The following FBXW7 variants were observed in gnomAD, a reference collection of about 807,000 sequenced individuals.
The protein encoded by FBXW7 is F-box/WD repeat-containing protein 7.
FBXW7 carries 11 observed loss-of-function variants against 86.3 expected under a neutral mutation model. That is an observed-to-expected ratio of 0.13 (90% confidence interval 0.08 to 0.21). The LOEUF is 0.21. FBXW7 is among the 10% of genes least tolerant of loss of function. FBXW7 has a pLI of 1.00. For synonymous variants in FBXW7, 313 were observed against 297.9 expected (o/e 1.05, Z -0.52); for missense variants, 488 against 847.4 (o/e 0.58, Z 5.27).
chr4:152,487,729 G>C (rs1056364331), intron 2 of FBXW7, among the ~76,000 whole-genome samples: 14 of 151,956 alleles, frequency 9.2e-5, no homozygotes, highest in Non-Finnish European at 1.6e-4. Flanking sequence ...AGATACATAA[G>C]CATCTTATAT....
At chr4:152,465,463 C>A (rs955094562) in intron 2 of FBXW7, among the ~76,000 whole-genome samples, 3 of 152,102 alleles carry the variant, frequency 2.0e-5, no homozygotes, top group African/African-American at 7.2e-5. Flanking sequence ...TTAACAACAT[C>A]ATTAATAAGT....
At chr4:152,435,338 T>C (rs2126963455) in intron 2 of FBXW7, among the ~76,000 whole-genome samples, 1 of 152,360 alleles carries the variant, frequency 6.6e-6, no homozygotes, top group East Asian at 1.9e-4. Flanking sequence ...ATTCATTTTG[T>C]ATAACGGCCC....
chr4:152,332,138 A>G (rs1196396649), intron 8 of FBXW7, among the ~76,000 whole-genome samples: 1 of 152,116 alleles, frequency 6.6e-6, no homozygotes, highest in South Asian at 2.1e-4. Context: ...AATACACAGG[A>G]TAACTACTCC....
chr4:152,403,550 T>A (rs1193763755), intron 4 of FBXW7, among the ~76,000 whole-genome samples: 1 of 151,828 alleles, frequency 6.6e-6, no homozygotes, highest in Non-Finnish European at 1.5e-5. Context: ...ACAGGTTTCA[T>A]GAAAGACAAT....
At chr4:152,327,189 C>CTTA (rs1203763440) in intron 11 of FBXW7, among the ~76,000 whole-genome samples, 9 of 152,016 alleles carry the variant, frequency 5.9e-5, no homozygotes, top group African/African-American at 2.2e-4. Flanking sequence ...GTTGAGAGAA[C>CTTA]ATAATGGAAA....
intron 7 of FBXW7, 38 bp from the exon 8 acceptor site, chr4:152,332,757 A>T: frequency 1.1e-6 from 1 of 905,464 alleles, no homozygotes; most frequent in Non-Finnish European, 1.4e-6. Context: ...CCATATTTAA[A>T]TAAATATATA....
At chr4:152,407,855 C>T (rs1308448666) in intron 4 of FBXW7, among the ~76,000 whole-genome samples, 2 of 152,132 alleles carry the variant, frequency 1.3e-5, no homozygotes, top group Non-Finnish European at 2.9e-5. Flanking sequence ...CAGGCGCATG[C>T]CATCACACTC....
chr4:152,438,680 A>C (rs914925263), intron 2 of FBXW7, among the ~76,000 whole-genome samples: 2 of 152,208 alleles, frequency 1.3e-5, no homozygotes, highest in Admixed American at 6.5e-5. Flanking sequence ...GTCTCAAAAA[A>C]ACAAAAACAC....
In FBXW7 at chr4:152,535,201, C is replaced by T. The variant is rs1359102966; in HGVS notation, c.-287G>A. The T allele has an allele frequency of 1.2e-5, 2 of 166,596 alleles. No homozygotes were observed. Among genetic ancestry groups the T allele is most frequent in the Admixed American group, 1.3e-4 (2 of 15,610 alleles). The allele number at this position is 166,596 out of a possible 1,614,324, so 10.3% of individuals were successfully genotyped here. A position where few individuals can be genotyped will look rare whatever the true frequency, so the allele number is the denominator to read the frequency against. On this transcript the variant is annotated 5_prime_UTR_variant, in exon 1 of 14. Coordinates refer to ENST00000281708, the MANE Select transcript of FBXW7 (RefSeq NM_001349798.2). ...CCAGGGCCACTTCTCCCGGGACAGT[C>T]AGGTTTGGGAGACTCCGGATTTTGT...
At chr4:152,511,880 G>GAA (rs1748011636) in intron 2 of FBXW7, among the ~76,000 whole-genome samples, 1 of 151,922 alleles carries the variant, frequency 6.6e-6, no homozygotes, top group Non-Finnish European at 1.5e-5. Flanking sequence ...TTAAGAATAA[G>GAA]TAAAAATATT....
intron 6 of FBXW7, among the ~76,000 whole-genome samples, chr4:152,340,869 A>C (rs956290915): frequency 1.3e-5 from 2 of 152,130 alleles, no homozygotes; most frequent in African/African-American, 4.8e-5. Context: ...GTATTTCCAC[A>C]GTCTTCCTCA....
In FBXW7 at chr4:152,362,828, C is replaced by CAAAAAAA. The variant is rs35796895; in HGVS notation, c.502-12711_502-12705dup. 7.0e-3 allele frequency among the ~76,000 whole-genome samples: 551 copies of CAAAAAAA among 79,084 alleles called. 7 individuals carry two copies. The highest frequency in any genetic ancestry group is 0.011 in the Admixed American group (71 of 6,750). The allele number at this position is 79,084 out of a possible 152,430, so 51.9% of individuals were successfully genotyped here. ...GGCAACAGAGTGAAACTCTCTCTCT[C>CAAAAAAA]AAAAAAAAAAAAAAAAAAAAACAAC... On this transcript the variant is annotated intron_variant, in intron 4 of 13. Coordinates refer to ENST00000281708, the MANE Select transcript of FBXW7 (RefSeq NM_001349798.2).
intron 2 of FBXW7, among the ~76,000 whole-genome samples, chr4:152,529,993 T>C (rs1465352706): frequency 1.3e-5 from 2 of 148,348 alleles, no homozygotes; most frequent in Admixed American, 6.8e-5. Flanking sequence ...GAGGTGGAGG[T>C]TGCAGTGAGC....
intron 2 of FBXW7, among the ~76,000 whole-genome samples, chr4:152,465,869 A>T (rs376838563): frequency 2.6e-4 from 40 of 151,794 alleles, no homozygotes; most frequent in African/African-American, 5.6e-4. Context: ...AAAGAGAACA[A>T]TATTACCCAT....
At chr4:152,427,587 T>C (rs1217456597) in intron 2 of FBXW7, among the ~76,000 whole-genome samples, 2 of 152,172 alleles carry the variant, frequency 1.3e-5, no homozygotes, top group Non-Finnish European at 2.9e-5. Flanking sequence ...TAGATAAAAT[T>C]ACCTCTAAAC....
intron 2 of FBXW7, among the ~76,000 whole-genome samples, chr4:152,459,217 C>T (rs987113218): frequency 6.6e-6 from 1 of 152,148 alleles, no homozygotes; most frequent in Non-Finnish European, 1.5e-5. Flanking sequence ...ACCACAAGTG[C>T]TACAAAATAT....
intron 2 of FBXW7, among the ~76,000 whole-genome samples, chr4:152,511,836 GTGTA>G (rs1483338749): frequency 2.0e-5 from 3 of 152,052 alleles, no homozygotes; most frequent in African/African-American, 4.8e-5. Flanking sequence ...TTGTTTCTAA[GTGTA>G]TGTGTGTGTA....
rs1728504029 is a variant in FBXW7 at position 152,320,697 on chromosome 4, T to C, written c.*2184A>G. 1 of 152,110 alleles carries C rather than the reference T, an allele frequency of 6.6e-6. No individual in the cohort carries two copies. Among genetic ancestry groups the C allele is most frequent in the South Asian group, 2.1e-4 (1 of 4,830 alleles). 9.4% of individuals were successfully genotyped at this position (152,110 alleles called of 1,614,324 possible). ...CAAACCTTGCTTTAGTCTGTCAAAC[T>C]TTCTTAAAGAGCAGCATGTATTTAG... On this transcript the variant is annotated 3_prime_UTR_variant, in exon 14 of 14. Transcript: ENST00000281708.
chr4:152,361,849 C>A (rs990221541), intron 4 of FBXW7, among the ~76,000 whole-genome samples: 4 of 151,406 alleles, frequency 2.6e-5, no homozygotes, highest in Non-Finnish European at 5.9e-5. Context: ...ACCTGTAATC[C>A]CAGCTACTTG....
Sources: allele counts gnomAD v4.1 joint callset (sites outside exome capture counted in the v4.1 genomes callset), GRCh38; gene constraint gnomAD v4.1.1; transcripts MANE v1.5; gene names NCBI Gene and HGNC (gene_info 2026-07-23, HGNC 2026-07-21).